The following RALGAPA2 variants were observed in gnomAD, a reference collection of about 807,000 sequenced individuals.
The protein encoded by RALGAPA2 is Ral GTPase activating protein catalytic subunit alpha 2.
RALGAPA2 carries 139 observed loss-of-function variants against 230.4 expected under a neutral mutation model. That is an observed-to-expected ratio of 0.60 (90% CI 0.53 to 0.69). RALGAPA2 has a LOEUF of 0.69. Among genes scored for constraint, RALGAPA2 ranks in the 30% least tolerant of loss-of-function variants. The pLI is 0.00. For synonymous variants in RALGAPA2, 847 were observed against 837.8 expected, an observed-to-expected ratio of 1.01 and a Z score of -0.19; for missense variants, 2,163 against 2,276.0, an observed-to-expected ratio of 0.95 and a Z score of 1.01.
At chr20:20,551,892 T>G (rs954949234) in intron 23 of RALGAPA2, among the ~76,000 whole-genome samples, 1 of 152,188 alleles carries the variant, frequency 6.6e-6, no homozygotes, top group Non-Finnish European at 1.5e-5. Context: ...AAGGAAGGAT[T>G]CGTTCTGGAA....
At chr20:20,502,509 A>T (rs1353166347) in intron 35 of RALGAPA2, among the ~76,000 whole-genome samples, 1 of 152,224 alleles carries the variant, frequency 6.6e-6, no homozygotes, top group Non-Finnish European at 1.5e-5. Flanking sequence ...CTCACTTAAT[A>T]GATGAAAAAC....
intron 31 of RALGAPA2, among the ~76,000 whole-genome samples, chr20:20,516,150 C>T (rs150519213): frequency 0.011 from 1,600 of 152,318 alleles, 18 homozygotes; most frequent in Non-Finnish European, 0.013. Context: ...AAAACCACCC[C>T]CTGACCCTCA....
chr20:20,538,218 A>T (rs2063549104), intron 24 of RALGAPA2, among the ~76,000 whole-genome samples: 1 of 152,220 alleles, frequency 6.6e-6, no homozygotes, highest in African/African-American at 2.4e-5. Context: ...TACACAGGTA[A>T]ATAAAAGGCA....
chr20:20,487,243 T>C (rs2061935073), intron 36 of RALGAPA2, among the ~76,000 whole-genome samples: 1 of 152,250 alleles, frequency 6.6e-6, no homozygotes, highest in African/African-American at 2.4e-5. Flanking sequence ...TTGTTTTCTA[T>C]AGCTGTAGAT....
intron 17 of RALGAPA2, among the ~76,000 whole-genome samples, chr20:20,590,062 T>C (rs1454052081): frequency 6.6e-6 from 1 of 151,644 alleles, no homozygotes; most frequent in African/African-American, 2.4e-5. Flanking sequence ...GTGTATACAC[T>C]GTGCAACGGC....
intron 23 of RALGAPA2, among the ~76,000 whole-genome samples, chr20:20,560,521 AGAG>A (rs1269760757): frequency 1.3e-5 from 2 of 152,254 alleles, no homozygotes; most frequent in East Asian, 3.8e-4. Flanking sequence ...ACAGACAAAA[AGAG>A]ATTATTCCCC....
At chr20:20,425,940 G>T (rs1164535862) in intron 37 of RALGAPA2, among the ~76,000 whole-genome samples, 2 of 152,198 alleles carry the variant, frequency 1.3e-5, no homozygotes, top group African/African-American at 4.8e-5. Context: ...CACTTAGGAA[G>T]AAGCTACACT....
intron 36 of RALGAPA2, among the ~76,000 whole-genome samples, chr20:20,480,410 G>A (rs983316299): frequency 7.9e-5 from 12 of 152,158 alleles, no homozygotes; most frequent in Non-Finnish European, 1.5e-4. Context: ...AAGCTAAGTG[G>A]GATATATTAC....
intron 31 of RALGAPA2, among the ~76,000 whole-genome samples, chr20:20,517,910 T>C (rs993278234): frequency 9.9e-5 from 15 of 151,000 alleles, no homozygotes; most frequent in Non-Finnish European, 2.2e-4. Flanking sequence ...ACAGGTAATA[T>C]GATAAAACAA....
intron 24 of RALGAPA2, among the ~76,000 whole-genome samples, chr20:20,540,411 T>TTTATA (rs1469882922): frequency 6.6e-6 from 1 of 152,212 alleles, no homozygotes; most frequent in African/African-American, 2.4e-5. Flanking sequence ...GTATATAACA[T>TTTATA]TACATAACAT....
chr20:20,688,607 C>T (rs573140281), intron 1 of RALGAPA2, among the ~76,000 whole-genome samples: 9 of 152,288 alleles, frequency 5.9e-5, no homozygotes, highest in African/African-American at 2.2e-4. Context: ...TTGCCCAGCT[C>T]CTCACATACT....
chr20:20,550,232 T>C (rs1419755554), intron 23 of RALGAPA2, among the ~76,000 whole-genome samples: 1 of 152,196 alleles, frequency 6.6e-6, no homozygotes, highest in Admixed American at 6.5e-5. Flanking sequence ...AGTGAGAACA[T>C]ACAATGTTTG....
intron 37 of RALGAPA2, among the ~76,000 whole-genome samples, chr20:20,425,421 C>T (rs886879432): frequency 7.9e-5 from 12 of 152,114 alleles, no homozygotes; most frequent in African/African-American, 2.2e-4. Flanking sequence ...TTCTTCTGTG[C>T]GTTTTAAAAT....
intron 23 of RALGAPA2, among the ~76,000 whole-genome samples, chr20:20,569,499 T>C (rs955814024): frequency 6.6e-6 from 1 of 152,198 alleles, no homozygotes. Context: ...TTAAGATTTA[T>C]GTATTCCACT....
At chr20:20,441,983 A>C (rs893495998) in intron 37 of RALGAPA2, among the ~76,000 whole-genome samples, 7 of 152,238 alleles carry the variant, frequency 4.6e-5, no homozygotes, top group African/African-American at 1.7e-4. Flanking sequence ...TATCTGAATA[A>C]ATTTAGAGAA....
At chr20:20,634,016 C>T (rs1195239854) in intron 9 of RALGAPA2, among the ~76,000 whole-genome samples, 3 of 152,162 alleles carry the variant, frequency 2.0e-5, no homozygotes, top group Admixed American at 2.0e-4. Flanking sequence ...AGTCTCATTC[C>T]TTTGAAGCAA....
chr20:20,601,887 T>C (rs1376193138), intron 15 of RALGAPA2, 41 bp from the exon 16 acceptor site: 3 of 1,506,610 alleles, frequency 2.0e-6, no homozygotes, highest in Non-Finnish European at 1.8e-6. Flanking sequence ...GCTGAATTCA[T>C]TATTATTCAT....
chr20:20,542,333 C>A (rs1045317065), intron 24 of RALGAPA2, among the ~76,000 whole-genome samples: 1 of 152,124 alleles, frequency 6.6e-6, no homozygotes, highest in Admixed American at 6.5e-5. Context: ...GGCCATACTG[C>A]CCAAAGTAAT....
In RALGAPA2 at chr20:20,605,281, CATA is replaced by C. The variant is rs2065783810; in HGVS notation, c.1929_1931del (p.Ile643del). ...TTGCAAGCACTGCTGTCAAGGAGTC[CATA>C]ATGTTGGCCCACTCGTTTATAAGTT... On this transcript the variant is annotated inframe_deletion, in exon 15 of 40. Transcript: ENST00000202677. 2 of 1,613,792 alleles carry C rather than the reference CATA, an allele frequency of 1.2e-6. No individual in the cohort carries two copies. Among genetic ancestry groups the C allele is most frequent in the Non-Finnish European group, 1.7e-6 (2 of 1,179,832 alleles).
Sources: gnomAD v4.1 joint callset for allele counts (sites outside exome capture counted in the v4.1 genomes callset) on GRCh38, gnomAD v4.1.1 for gene constraint, MANE v1.5 for transcripts, NCBI Gene and HGNC (gene_info 2026-07-23, HGNC 2026-07-21) for gene names.